FMN1: variants seen among roughly 807,000 people sequenced by gnomAD.
FMN1 encodes the protein formin-1.
In FMN1, 110 loss-of-function variants were observed where a neutral mutation model predicts 132.4. The observed-to-expected ratio is 0.83, with a 90% CI of 0.71 to 0.97. The LOEUF is 0.97. FMN1 is among the 50% of genes least tolerant of loss of function. The probability of loss-of-function intolerance (pLI) is 0.00; values close to 1 mark genes in which losing one functional copy is unlikely to be tolerated. For missense variants in FMN1, 1,792 were observed against 1,705.3 expected (o/e 1.05, Z -0.90); for synonymous variants, 722 against 651.7 (o/e 1.11, Z -1.64).
chr15:32,871,213 A>C (rs2059508008), intron 16 of FMN1, among the ~76,000 whole-genome samples: 1 of 152,202 alleles, frequency 6.6e-6, no homozygotes, highest in East Asian at 1.9e-4. Flanking sequence ...AACATTTTTA[A>C]AACAGCAGAA....
intron 9 of FMN1, among the ~76,000 whole-genome samples, chr15:32,963,348 TCG>T (rs1491422506): frequency 3.3e-5 from 1 of 30,446 alleles, no homozygotes; most frequent in East Asian, 9.6e-4. Context: ...TGTTGTGGGG[TCG>T]GGGGGGTGGG....
intron 17 of FMN1, among the ~76,000 whole-genome samples, chr15:32,825,941 A>T (rs1441000917): frequency 6.6e-6 from 1 of 152,240 alleles, no homozygotes; most frequent in Non-Finnish European, 1.5e-5. Flanking sequence ...TAGACCTGAC[A>T]TATAAAATCA....
At chr15:33,023,148 C>G in intron 6 of FMN1, among the ~76,000 whole-genome samples, 1 of 149,494 alleles carries the variant, frequency 6.7e-6, no homozygotes, top group Non-Finnish European at 1.5e-5. Context: ...CATTCACATA[C>G]CACCTCAGGC....
intron 19 of FMN1, among the ~76,000 whole-genome samples, chr15:32,792,530 G>A (rs1370353688): frequency 6.6e-6 from 1 of 152,132 alleles, no homozygotes; most frequent in Non-Finnish European, 1.5e-5. Context: ...TCTGATTTCA[G>A]TTAGGAAATG....
chr15:32,834,837 C>G (rs1259281151), intron 17 of FMN1, among the ~76,000 whole-genome samples: 2 of 152,162 alleles, frequency 1.3e-5, no homozygotes, highest in Non-Finnish European at 2.9e-5. Flanking sequence ...CTCTGATCAC[C>G]TTGGTTAATT....
At chr15:32,932,263 G>A (rs1339491708) in intron 9 of FMN1, among the ~76,000 whole-genome samples, 2 of 152,096 alleles carry the variant, frequency 1.3e-5, no homozygotes, top group African/African-American at 2.4e-5. Context: ...AGCTGTGCAT[G>A]GAGGCACGTG....
chr15:32,876,074 G>C (rs948896394), intron 16 of FMN1, among the ~76,000 whole-genome samples: 4 of 152,078 alleles, frequency 2.6e-5, no homozygotes, highest in Non-Finnish European at 5.9e-5. Context: ...CAAAAAAACA[G>C]GAAATATCAA....
intron 7 of FMN1, among the ~76,000 whole-genome samples, chr15:32,976,907 T>C (rs1413479775): frequency 6.6e-6 from 1 of 152,350 alleles, no homozygotes; most frequent in East Asian, 1.9e-4. Context: ...CCAGGCACTA[T>C]GCTAGCCTTC....
chr15:32,994,008 G>C (rs1276780763), intron 7 of FMN1, among the ~76,000 whole-genome samples: 1 of 151,912 alleles, frequency 6.6e-6, no homozygotes, highest in Non-Finnish European at 1.5e-5. Context: ...GATGAAATTG[G>C]GAAACCTTAA....
At chr15:33,194,300 C>A (rs1015609080) in intron 1 of FMN1, among the ~76,000 whole-genome samples, 1 of 117,354 alleles carries the variant, frequency 8.5e-6, no homozygotes, top group Non-Finnish European at 1.6e-5. Context: ...ACTGCACTGG[C>A]GGGTCAAGGG....
chr15:33,010,665 T>C (rs1236964397), intron 6 of FMN1, among the ~76,000 whole-genome samples: 1 of 152,126 alleles, frequency 6.6e-6, no homozygotes, highest in Non-Finnish European at 1.5e-5. Context: ...TCTATGTTCA[T>C]ACATCTAGAA....
chr15:32,866,114 A>T (rs1486767120), intron 16 of FMN1, among the ~76,000 whole-genome samples: 1 of 151,762 alleles, frequency 6.6e-6, no homozygotes, highest in Non-Finnish European at 1.5e-5. Context: ...GCATTAGGAG[A>T]TATACCTAAT....
At chr15:32,900,380 T>C (rs2060266267) in intron 13 of FMN1, 1 of 608,250 alleles carries the variant, frequency 1.6e-6, no homozygotes, top group African/African-American at 1.8e-5. Context: ...TAACTATTGG[T>C]TTTATATTTT....
At chr15:33,023,024 G>T (rs2035486884) in intron 6 of FMN1, among the ~76,000 whole-genome samples, 1 of 141,998 alleles carries the variant, frequency 7.0e-6, no homozygotes, top group Non-Finnish European at 1.5e-5. Flanking sequence ...TCCAGCCTGG[G>T]TGACAGAGCA....
At chr15:32,937,684 T>C (rs940909981) in intron 9 of FMN1, among the ~76,000 whole-genome samples, 2 of 152,114 alleles carry the variant, frequency 1.3e-5, no homozygotes, top group Non-Finnish European at 2.9e-5. Context: ...TATGGACATG[T>C]TGGTAGTGAG....
intron 6 of FMN1, among the ~76,000 whole-genome samples, chr15:33,041,390 TA>T (rs35105966): frequency 0.55 from 66,605 of 121,638 alleles, 16,962 homozygotes; most frequent in Middle Eastern, 0.67. Flanking sequence ...CCTCACCAGT[TA>T]AAAAAAAAAA....
chr15:33,071,229 A>T (rs1463925595), intron 5 of FMN1, among the ~76,000 whole-genome samples: 1 of 152,220 alleles, frequency 6.6e-6, no homozygotes, highest in Non-Finnish European at 1.5e-5. Flanking sequence ...CTTGGGGAAA[A>T]ATCTACAAGT....
At chr15:32,817,752 C>T (rs2058096554) in intron 17 of FMN1, among the ~76,000 whole-genome samples, 1 of 152,160 alleles carries the variant, frequency 6.6e-6, no homozygotes, top group Non-Finnish European at 1.5e-5. Flanking sequence ...GCTTCTAAGT[C>T]AAGGTGAAAG....
chr15:32,958,875 C>A (rs1183502169), intron 9 of FMN1, among the ~76,000 whole-genome samples: 3 of 151,920 alleles, frequency 2.0e-5, no homozygotes, highest in African/African-American at 7.3e-5. Flanking sequence ...AAGCCCGTCT[C>A]TACTAAAAAT....
Sources: gnomAD v4.1 joint callset for allele counts (sites outside exome capture counted in the v4.1 genomes callset) on GRCh38, gnomAD v4.1.1 for gene constraint, MANE v1.5 for transcripts, NCBI Gene and HGNC (gene_info 2026-07-23, HGNC 2026-07-21) for gene names.